ZFP69B: variants seen among roughly 807,000 people sequenced by gnomAD.
The protein encoded by ZFP69B is zinc finger protein 69 homolog B.
A neutral mutation model predicts 19.7 loss-of-function variants in ZFP69B; 20 were observed. The observed-to-expected ratio is 1.02, with a 90% CI of 0.71 to 1.48. The LOEUF (loss-of-function observed/expected upper bound fraction) is 1.48. Among genes scored for constraint, ZFP69B ranks in the 40% most tolerant of loss-of-function variants. ZFP69B has a pLI of 0.00. For synonymous variants in ZFP69B, 220 were observed against 222.7 expected (o/e 0.99, Z 0.11); for missense variants, 583 against 632.6 (o/e 0.92, Z 0.84).
At chr1:40,451,157 T>C (rs1214740139) in intron 1 of ZFP69B, 69 bp downstream of exon 1, 20 of 1,420,770 alleles carry the variant, frequency 1.4e-5, no homozygotes, top group Non-Finnish European at 1.9e-5. Flanking sequence ...AATGAGTCAC[T>C]TGAGTGGAAG....
rs372178376 is a variant in ZFP69B at position 40,460,175 on chromosome 1, G to A, written c.437-2246G>A. ...CATCCACAACCCATCAATTTCCCTA[G>A]TAAAGCCAATGAAATACTGACAGGA... On this transcript the variant is annotated intron_variant, in intron 4 of 4. Transcript: ENST00000361584. Among the ~76,000 whole-genome samples, 48 of 152,240 alleles carry A rather than the reference G, an allele frequency of 3.2e-4. 1 individual carries two copies. In the East Asian group the frequency reaches 6.2e-3, roughly 20 times the overall value.
intron 1 of ZFP69B, among the ~76,000 whole-genome samples, chr1:40,451,592 T>C (rs1645187011): frequency 7.0e-6 from 1 of 142,340 alleles, no homozygotes; most frequent in South Asian, 2.4e-4. Context: ...AAACTGATGG[T>C]AACACCTTGA....
intron 1 of ZFP69B, among the ~76,000 whole-genome samples, chr1:40,453,717 T>C (rs1645206807): frequency 6.6e-6 from 1 of 151,994 alleles, no homozygotes; most frequent in Admixed American, 6.5e-5. Flanking sequence ...TTGAAATCTA[T>C]GTTGATTAGT....
chr1:40,460,661 A>G (rs929048842), intron 4 of ZFP69B, among the ~76,000 whole-genome samples: 3 of 151,692 alleles, frequency 2.0e-5, no homozygotes, highest in South Asian at 2.1e-4. Context: ...CCTGGCCAAC[A>G]TAGCAAAACC....
At chr1:40,462,107 A>T in intron 4 of ZFP69B, among the ~76,000 whole-genome samples, 1 of 151,810 alleles carries the variant, frequency 6.6e-6, no homozygotes, top group East Asian at 1.9e-4. Flanking sequence ...TTTTGTAGAG[A>T]CAGGGTCCCT....
chr1:40,454,933 A>G (rs1485387732), intron 2 of ZFP69B, among the ~76,000 whole-genome samples: 1 of 152,216 alleles, frequency 6.6e-6, no homozygotes, highest in Non-Finnish European at 1.5e-5. Context: ...TTCACATATC[A>G]TCTGGGAGAA....
intron 4 of ZFP69B, among the ~76,000 whole-genome samples, 172 bp downstream of exon 4, chr1:40,457,611 G>A (rs756311872): frequency 6.6e-6 from 1 of 152,162 alleles, no homozygotes. Context: ...AGTCTCTCTG[G>A]AGTCAGAGGA....
chr1:40,453,183 A>C (rs1284462838), intron 1 of ZFP69B, among the ~76,000 whole-genome samples: 1 of 151,136 alleles, frequency 6.6e-6, no homozygotes, highest in Non-Finnish European at 1.5e-5. Flanking sequence ...CTGGTCTCCA[A>C]CTCCTGACCT....
In ZFP69B at chr1:40,455,384, G is replaced by T. The variant is rs1394453144; in HGVS notation, c.213+1096G>T. Among the ~76,000 whole-genome samples, 3 of 152,194 alleles carry T rather than the reference G, an allele frequency of 2.0e-5. No homozygotes were observed. In the East Asian group the frequency reaches 5.8e-4, roughly 29 times the overall value. On this transcript the variant is annotated intron_variant, in intron 2 of 4. Coordinates refer to ENST00000361584, the MANE Select transcript of ZFP69B (RefSeq NM_023070.3). ...GGTTTAATCATGTGTTTAAATCATA[G>T]GGTTTAATCCTATGTCTTCAACTTT...
Position 40,450,920 on chromosome 1 carries a change from G to A in ZFP69B, c.-42G>A. ...TCATCAGAGGTGGACAAGCCCTATGGGCTAAGACAGAGGGTCCTCAGAAAG... is the reference window on the plus strand; with the variant it reads ...TCATCAGAGGTGGACAAGCCCTATGAGCTAAGACAGAGGGTCCTCAGAAAG... On this transcript the variant is annotated 5_prime_UTR_variant, in exon 1 of 5. Coordinates refer to ENST00000361584, the MANE Select transcript of ZFP69B (RefSeq NM_023070.3). 1.3e-6 allele frequency: 2 copies of A among 1,516,718 alleles called. No homozygotes were observed. The highest frequency in any genetic ancestry group is 2.1e-5 in the Admixed American group (1 of 46,690). The allele number at this position is 1,516,718 out of a possible 1,614,324, so 94.0% of individuals were successfully genotyped here. A position where few individuals can be genotyped will look rare whatever the true frequency, so the allele number is the denominator to read the frequency against.
rs771633065 is a variant in ZFP69B, at chr1:40,462,591, A to G, written c.607A>G (p.Arg203Gly). 1.9e-6 allele frequency: 3 copies of G among 1,614,164 alleles called. No individual in the cohort carries two copies. The African/African-American group carries it at 4.0e-5, about 22-fold the overall frequency. ...NKLESQQENQ[R>G]MGKGQIPLMC... is the part of the protein sequence containing the mutation. ...GCTAGAAAGCCAACAAGAGAACCAA[A>G]GAATGGGTAAGGGGCAAATCCCCCT... is the stretch of plus-strand genomic sequence containing the variant. The change falls in exon 5 of 5, where the codon AGA becomes GGA. Residue 203 changes from arginine (R) to glycine (G), a missense_variant. Arg to Gly is a moderately radical substitution (Grantham distance 125). Transcript: ENST00000361584.
In ZFP69B at chr1:40,456,935, G is replaced by A. The variant is rs777017352; in HGVS notation, c.214-10G>A. 1.1e-5 allele frequency: 17 copies of A among 1,610,642 alleles called. No homozygotes were observed. In the South Asian group the frequency reaches 1.7e-4, roughly 16 times the overall value. ...AGTCTGGCTGAAAAGGAACGTATTTGATGTTCTAGGAACTGTTAACCTTCA... is the reference window on the plus strand; with the variant it reads ...AGTCTGGCTGAAAAGGAACGTATTTAATGTTCTAGGAACTGTTAACCTTCA... On this transcript the variant is annotated splice_polypyrimidine_tract_variant and intron_variant, in intron 2 of 4. Coordinates refer to ENST00000361584, the MANE Select transcript of ZFP69B (RefSeq NM_023070.3).
intron 4 of ZFP69B, 34 bp from the exon 5 acceptor site, chr1:40,462,387 G>A (rs1346077455): frequency 1.3e-6 from 2 of 1,539,606 alleles, no homozygotes; most frequent in Non-Finnish European, 1.7e-6. Context: ...AAAGTGCAAG[G>A]AATATGGATC....
intron 4 of ZFP69B, 101 bp from the exon 5 acceptor site, chr1:40,462,320 C>G: frequency 2.7e-6 from 3 of 1,098,804 alleles, no homozygotes; most frequent in Non-Finnish European, 3.9e-6. Flanking sequence ...ATCCAGAACT[C>G]CTGTACCTAG....
At position 40,453,896 on chromosome 1, in the gene ZFP69B, TAACAA is replaced by T. The variant is rs543494694; in HGVS notation, c.128-304_128-300del. Among the ~76,000 whole-genome samples, 429 of 152,166 alleles carry T rather than the reference TAACAA, an allele frequency of 2.8e-3. 1 individual carries two copies. The highest frequency in any genetic ancestry group is 4.3e-3 in the Admixed American group (65 of 15,282). ...CAAAATCATAATAATAATTAAAAAATAACAAAAAAGAAATCTATATTGAAGTGTTT... is the reference window on the plus strand; with the variant it reads ...CAAAATCATAATAATAATTAAAAAATAAAAGAAATCTATATTGAAGTGTTT... On this transcript the variant is annotated intron_variant, in intron 1 of 4. Coordinates refer to ENST00000361584, the MANE Select transcript of ZFP69B (RefSeq NM_023070.3).
At chr1:40,459,393 A>C (rs1194669556) in intron 4 of ZFP69B, among the ~76,000 whole-genome samples, 1 of 152,226 alleles carries the variant, frequency 6.6e-6, no homozygotes, top group African/African-American at 2.4e-5. Flanking sequence ...AACAGAAGCC[A>C]TCTCATCTAA....
rs778243908 is a variant in ZFP69B, at chr1:40,457,335, C to T, written c.341-9C>T. The T allele has an allele frequency of 1.4e-5, 22 of 1,613,640 alleles. 1 individual carries two copies. In the East Asian group the frequency reaches 4.2e-4, roughly 31 times the overall value. On this transcript the variant is annotated splice_polypyrimidine_tract_variant and intron_variant, in intron 3 of 4. Transcript: ENST00000361584. ...TCAGCATATACAGTCTTTTCTTCCC[C>T]ATAAGCAGGATGTCAGCTTTCCAAA...
Position 40,450,899 on chromosome 1 carries a change from C to G in ZFP69B, c.-63C>G. On this transcript the variant is annotated 5_prime_UTR_variant, in exon 1 of 5. The change creates a new upstream start codon in the 5' untranslated region. Coordinates refer to ENST00000361584, the MANE Select transcript of ZFP69B (RefSeq NM_023070.3). Reference sequence around the variant, plus strand: ...TCAGAGCTTCCAGCAATTTCCTCATCAGAGGTGGACAAGCCCTATGGGCTA... The same window carrying G: ...TCAGAGCTTCCAGCAATTTCCTCATGAGAGGTGGACAAGCCCTATGGGCTA... 1 of 1,421,670 alleles carries G rather than the reference C, an allele frequency of 7.0e-7. No individual in the cohort carries two copies. Among genetic ancestry groups the G allele is most frequent in the Non-Finnish European group, 9.3e-7 (1 of 1,080,934 alleles). The allele number at this position is 1,421,670 out of a possible 1,614,324, so 88.1% of individuals were successfully genotyped here.
intron 1 of ZFP69B, among the ~76,000 whole-genome samples, chr1:40,451,743 G>T (rs1397603438): frequency 1.3e-5 from 2 of 151,988 alleles, no homozygotes; most frequent in African/African-American, 2.4e-5. Flanking sequence ...GAATGAATGT[G>T]CATTTACCTT....
Sources: allele counts gnomAD v4.1 joint callset (sites outside exome capture counted in the v4.1 genomes callset), GRCh38; gene constraint gnomAD v4.1.1; transcripts MANE v1.5; gene names NCBI Gene and HGNC (gene_info 2026-07-23, HGNC 2026-07-21).